The following BCKDHA variants were observed in gnomAD, a reference collection of about 807,000 sequenced individuals.
The protein encoded by BCKDHA is branched chain keto acid dehydrogenase E1 subunit alpha.
In BCKDHA, 43 loss-of-function variants were observed where a neutral mutation model predicts 52.2. That is an observed-to-expected ratio of 0.82 (90% CI 0.64 to 1.06). The LOEUF (loss-of-function observed/expected upper bound fraction) is 1.06, where lower values mean the gene tolerates loss of function less well. BCKDHA is among the 50% of genes least tolerant of loss of function. The pLI is 0.00. For synonymous variants in BCKDHA, 234 were observed against 247.9 expected, an observed-to-expected ratio of 0.94 and a Z score of 0.53; for missense variants, 527 against 621.3, an observed-to-expected ratio of 0.85 and a Z score of 1.61.
chr19:41,414,755 C>T (rs1475012353), intron 4 of BCKDHA, among the ~76,000 whole-genome samples: 1 of 152,090 alleles, frequency 6.6e-6, no homozygotes, highest in Non-Finnish European at 1.5e-5. Context: ...AAGGAGTGAG[C>T]CCAGGGAGCA....
intron 1 of BCKDHA, among the ~76,000 whole-genome samples, chr19:41,402,802 G>A (rs930476899): frequency 2.6e-5 from 4 of 152,062 alleles, no homozygotes; most frequent in African/African-American, 4.8e-5. Context: ...CACCGTGTCC[G>A]GCTAATTTTT....
chr19:41,404,947 CTT>C (rs1568501826), intron 1 of BCKDHA, among the ~76,000 whole-genome samples: 1 of 152,130 alleles, frequency 6.6e-6, no homozygotes, highest in Admixed American at 6.6e-5. Context: ...CAACTTGACA[CTT>C]TTTTGTTTTT....
intron 5 of BCKDHA, among the ~76,000 whole-genome samples, chr19:41,420,804 G>T (rs2039356100): frequency 6.6e-6 from 1 of 152,204 alleles, no homozygotes; most frequent in African/African-American, 2.4e-5. Context: ...CCTTATAAGA[G>T]CTTTTTTGGG....
chr19:41,424,680 GA>G lies in BCKDHA; in HGVS notation c.*73del, dbSNP rs1194625904. 1.3e-6 allele frequency: 2 copies of G among 1,488,374 alleles called. No homozygotes were observed. Among genetic ancestry groups the G allele is most frequent in the African/African-American group, 2.8e-5 (2 of 71,394 alleles). The allele number at this position is 1,488,374 out of a possible 1,614,324, so 92.2% of individuals were successfully genotyped here. A position where few individuals can be genotyped will look rare whatever the true frequency, so the allele number is the denominator to read the frequency against. ...AGCCCCACTCTAAGGGGAGCAGGGG[GA>G]CCTGACAGCACACCACTGTCTTCCC... On this transcript the variant is annotated 3_prime_UTR_variant, in exon 9 of 9. Coordinates refer to ENST00000269980, the MANE Select transcript of BCKDHA (RefSeq NM_000709.4).
At chr19:41,422,538 G>T in intron 6 of BCKDHA, 91 bp from the exon 7 acceptor site, 3 of 1,597,456 alleles carry the variant, frequency 1.9e-6, no homozygotes, top group Non-Finnish European at 2.6e-6. Context: ...ACTCAGCCTT[G>T]CTCTCTGTCC....
At chr19:41,402,111 T>G (rs1207203541) in intron 1 of BCKDHA, among the ~76,000 whole-genome samples, 1 of 152,158 alleles carries the variant, frequency 6.6e-6, no homozygotes, top group Admixed American at 6.6e-5. Context: ...AACTCCCCTT[T>G]ATAAAACCAT....
At chr19:41,404,074 G>A (rs1040787372) in intron 1 of BCKDHA, among the ~76,000 whole-genome samples, 2 of 151,928 alleles carry the variant, frequency 1.3e-5, no homozygotes, top group Non-Finnish European at 2.9e-5. Flanking sequence ...CTGCCTCCTC[G>A]GCTCAAGCGA....
At chr19:41,415,061 C>T (rs2039293780) in intron 4 of BCKDHA, among the ~76,000 whole-genome samples, 1 of 152,180 alleles carries the variant, frequency 6.6e-6, no homozygotes, top group Non-Finnish European at 1.5e-5. Context: ...CGCCCTGGGA[C>T]AGCCCTTCAG....
intron 3 of BCKDHA, 126 bp downstream of exon 3, chr19:41,411,135 A>G: frequency 9.2e-7 from 1 of 1,081,748 alleles, no homozygotes; most frequent in Non-Finnish European, 1.4e-6. Context: ...TAGAGTTCTG[A>G]GGGTTCTCTT....
intron 4 of BCKDHA, among the ~76,000 whole-genome samples, chr19:41,417,888 G>A (rs1331911749): frequency 1.3e-5 from 2 of 151,136 alleles, no homozygotes; most frequent in Non-Finnish European, 2.9e-5. Context: ...TTGCGCCATT[G>A]CATTCTGGGC....
intron 6 of BCKDHA, 63 bp downstream of exon 6, chr19:41,422,433 C>T (rs572699567): frequency 1.2e-5 from 19 of 1,597,880 alleles, no homozygotes; most frequent in South Asian, 6.6e-5. Context: ...CCCAATCCTG[C>T]CACCTTCCTG....
At chr19:41,414,234 G>T in intron 4 of BCKDHA, 77 bp downstream of exon 4, 1 of 1,358,310 alleles carries the variant, frequency 7.4e-7, no homozygotes, top group Admixed American at 1.8e-5. Flanking sequence ...TCTTCCAGGA[G>T]CAGCATAGTG....
intron 1 of BCKDHA, among the ~76,000 whole-genome samples, chr19:41,409,411 G>T (rs1169953975): frequency 6.6e-6 from 1 of 152,128 alleles, no homozygotes; most frequent in Non-Finnish European, 1.5e-5. Flanking sequence ...AGGCAGCAAG[G>T]ACAGATATCT....
At chr19:41,421,384 C>T (rs370549649) in intron 5 of BCKDHA, among the ~76,000 whole-genome samples, 9 of 152,050 alleles carry the variant, frequency 5.9e-5, no homozygotes, top group African/African-American at 1.9e-4. Flanking sequence ...CCAAGCCAGC[C>T]GGGTGTGGTG....
Position 41,414,065 on chromosome 19 carries a change from A to C in BCKDHA, c.392A>C (p.Tyr131Ser). The change falls in exon 4 of 9, where the codon TAC (tyrosine) becomes TCC (serine). Residue 131 changes from tyrosine (Y) to serine (S), a missense_variant. Physicochemically the swap from Tyr to Ser is moderately radical, Grantham distance 144. Coordinates refer to ENST00000269980, the MANE Select transcript of BCKDHA (RefSeq NM_000709.4). ...ESQRQGRISFYMTNYGEEGTH... is the reference protein window; with the variant it reads ...ESQRQGRISFSMTNYGEEGTH... ...CACCCCCAGGGCCGGATCTCCTTCT[A>C]CATGACCAACTATGGTGAGGAGGGC... The C allele has an allele frequency of 6.2e-7, 1 of 1,613,676 alleles. No individual in the cohort carries two copies. The highest frequency in any genetic ancestry group is 8.5e-7 in the Non-Finnish European group (1 of 1,180,008).
At chr19:41,417,174 G>A (rs1352140165) in intron 4 of BCKDHA, among the ~76,000 whole-genome samples, 1 of 149,608 alleles carries the variant, frequency 6.7e-6, no homozygotes, top group Admixed American at 6.6e-5. Flanking sequence ...ACCACACCTG[G>A]CTAATTTTTT....
At chr19:41,418,924 GAGAA>G (rs2039334619) in intron 4 of BCKDHA, 4 of 591,888 alleles carry the variant, frequency 6.8e-6, no homozygotes, top group Admixed American at 2.9e-5. Context: ...ATCTCACTAA[GAGAA>G]AGAAAGAAAA....
At chr19:41,407,896 A>G (rs2039209942) in intron 1 of BCKDHA, among the ~76,000 whole-genome samples, 1 of 151,238 alleles carries the variant, frequency 6.6e-6, no homozygotes. Flanking sequence ...TGGGGTGAGG[A>G]GCATGGATGT....
At chr19:41,410,898 C>A (rs775709563) in intron 2 of BCKDHA, 25 bp from the exon 3 acceptor site, 1 of 1,613,966 alleles carries the variant, frequency 6.2e-7, no homozygotes, top group Non-Finnish European at 8.5e-7. Flanking sequence ...AACTGCCCCA[C>A]GTCTATCTGT....
Sources: gnomAD v4.1 joint callset for allele counts (sites outside exome capture counted in the v4.1 genomes callset) on GRCh38, gnomAD v4.1.1 for gene constraint, MANE v1.5 for transcripts, NCBI Gene and HGNC (gene_info 2026-07-23, HGNC 2026-07-21) for gene names.